Variants in HDAC9 observed in about 807,000 individuals in gnomAD.
HDAC9 encodes histone deacetylase 9.
A neutral mutation model predicts 139.4 loss-of-function variants in HDAC9; 41 were observed. The ratio of observed to expected loss-of-function variants is 0.29; its 90% CI spans 0.23 to 0.38. The LOEUF is 0.38. Ranked by LOEUF, HDAC9 falls within the 10% of genes least tolerant of loss-of-function variation. HDAC9 has a pLI of 1.00. For missense variants in HDAC9, 1,147 were observed against 1,297.0 expected (o/e 0.88, Z 1.78); for synonymous variants, 517 against 476.2 (o/e 1.09, Z -1.12).
intron 1 of HDAC9, among the ~76,000 whole-genome samples, chr7:18,432,118 A>C (rs1407661582): frequency 6.6e-6 from 1 of 152,120 alleles, no homozygotes; most frequent in Non-Finnish European, 1.5e-5. Context: ...AATCTCTATC[A>C]ATCAAATGTT....
chr7:18,117,046 A>C (rs1360393758), intron 1 of HDAC9, among the ~76,000 whole-genome samples: 1 of 152,192 alleles, frequency 6.6e-6, no homozygotes, highest in Admixed American at 6.5e-5. Context: ...GGATTGACCA[A>C]ACCAAACCGC....
At chr7:18,854,013 A>G (rs1296576840) in intron 21 of HDAC9, among the ~76,000 whole-genome samples, 1 of 152,228 alleles carries the variant, frequency 6.6e-6, no homozygotes, top group Non-Finnish European at 1.5e-5. Flanking sequence ...TGCTTGGAAC[A>G]TAGTGACATA....
chr7:18,125,749 C>T (rs1784625656), intron 1 of HDAC9, among the ~76,000 whole-genome samples: 1 of 152,090 alleles, frequency 6.6e-6, no homozygotes, highest in Non-Finnish European at 1.5e-5. Flanking sequence ...TGCACAATAG[C>T]TAAGCAAGTT....
At chr7:18,275,130 A>T (rs748067650) in intron 2 of HDAC9, among the ~76,000 whole-genome samples, 4 of 152,162 alleles carry the variant, frequency 2.6e-5, no homozygotes, top group Non-Finnish European at 5.9e-5. Context: ...TGTTTCCCAT[A>T]TCAATTAATG....
Position 18,110,522 on chromosome 7 carries a change from C to T in HDAC9, c.-97+23309C>T, listed in dbSNP as rs566748654. Among the ~76,000 whole-genome samples the T allele has an allele frequency of 2.6e-5, 4 of 152,230 alleles. No individual in the cohort carries two copies. In the East Asian group the frequency reaches 7.7e-4, roughly 29 times the overall value. On this transcript the variant is annotated intron_variant, in intron 1 of 12. Transcript: ENST00000417496. The stretch of plus-strand genomic sequence containing the variant: ...AAGGACAAGGAACTCCATGTAAGTG[C>T]AAATGGAGTGTAGACTCCACATGGG...
At chr7:18,305,583 C>T (rs1798852454) in intron 1 of HDAC9, among the ~76,000 whole-genome samples, 1 of 152,028 alleles carries the variant, frequency 6.6e-6, no homozygotes, top group Non-Finnish European at 1.5e-5. Context: ...CATGACTCCC[C>T]TTTTATCATC....
At chr7:18,203,102 G>C (rs1791259151) in intron 2 of HDAC9, among the ~76,000 whole-genome samples, 1 of 152,160 alleles carries the variant, frequency 6.6e-6, no homozygotes, top group East Asian at 1.9e-4. Context: ...GTGTTTTCAA[G>C]TGTTTCTCTC....
At chr7:18,970,011 G>A (rs185036848) in intron 24 of HDAC9, among the ~76,000 whole-genome samples, 1 of 152,214 alleles carries the variant, frequency 6.6e-6, no homozygotes, top group Admixed American at 6.5e-5. Context: ...AGCTTACCAG[G>A]TAGCACCATA....
chr7:18,300,402 A>G (rs1339627118), intron 1 of HDAC9, among the ~76,000 whole-genome samples: 1 of 152,122 alleles, frequency 6.6e-6, no homozygotes, highest in Non-Finnish European at 1.5e-5. Flanking sequence ...TATACATGTC[A>G]GGTTTTCTTT....
intron 1 of HDAC9, among the ~76,000 whole-genome samples, chr7:18,323,503 C>CT (rs992739293): frequency 6.6e-6 from 1 of 152,194 alleles, no homozygotes; most frequent in African/African-American, 2.4e-5. Flanking sequence ...GGCTTCTCAC[C>CT]TGGGGGCACA....
At chr7:18,860,200 C>T (rs1191166904) in intron 21 of HDAC9, among the ~76,000 whole-genome samples, 1 of 151,934 alleles carries the variant, frequency 6.6e-6, no homozygotes, top group Non-Finnish European at 1.5e-5. Flanking sequence ...GTGCACGTGT[C>T]ACCAGCATCT....
At chr7:18,564,676 C>T (rs1230346773) in intron 2 of HDAC9, among the ~76,000 whole-genome samples, 2 of 151,970 alleles carry the variant, frequency 1.3e-5, no homozygotes, top group Non-Finnish European at 2.9e-5. Flanking sequence ...GACATTGGGC[C>T]TCTATACCTA....
At chr7:18,808,922 C>G (rs1793950576) in intron 17 of HDAC9, among the ~76,000 whole-genome samples, 1 of 152,020 alleles carries the variant, frequency 6.6e-6, no homozygotes, top group South Asian at 2.1e-4. Context: ...AGACATCACA[C>G]TTCTTGATTT....
intron 9 of HDAC9, among the ~76,000 whole-genome samples, chr7:18,646,230 A>G (rs1787354016): frequency 1.3e-5 from 2 of 152,238 alleles, no homozygotes; most frequent in South Asian, 4.1e-4. Flanking sequence ...TTTTATTTTT[A>G]CTTATTTTTG....
At chr7:18,253,386 C>T (rs1253834735) in intron 2 of HDAC9, among the ~76,000 whole-genome samples, 1 of 151,976 alleles carries the variant, frequency 6.6e-6, no homozygotes, top group Non-Finnish European at 1.5e-5. Context: ...TTTAAGCATT[C>T]CTTTTTCTCC....
At chr7:18,394,443 T>C (rs1786837205) in intron 1 of HDAC9, among the ~76,000 whole-genome samples, 1 of 152,126 alleles carries the variant, frequency 6.6e-6, no homozygotes, top group African/African-American at 2.4e-5. Context: ...AGGAAACAAA[T>C]GTTACACTTC....
In HDAC9 at chr7:18,495,784, C is replaced by T. The variant is rs1034977688; in HGVS notation, c.-281C>T. 3 of 997,384 alleles carry T rather than the reference C, an allele frequency of 3.0e-6. No individual in the cohort carries two copies. Among genetic ancestry groups the T allele is most frequent in the South Asian group, 9.3e-5 (2 of 21,620 alleles). 61.8% of individuals were successfully genotyped at this position (997,384 alleles called of 1,614,324 possible). ...ACAGACACAGATAGGAGAAGGGCAC[C>T]GGCTGGAGCCACTTGCAGGACTGAG... On this transcript the variant is annotated 5_prime_UTR_variant, in exon 1 of 26. Coordinates refer to ENST00000686413, the MANE Select transcript of HDAC9 (RefSeq NM_178425.4).
At chr7:18,226,085 C>G (rs1371179374) in intron 2 of HDAC9, among the ~76,000 whole-genome samples, 1 of 152,118 alleles carries the variant, frequency 6.6e-6, no homozygotes, top group Non-Finnish European at 1.5e-5. Context: ...ATGTACTTAA[C>G]TGTAACATAT....
At chr7:18,304,866 A>G (rs940630276) in intron 1 of HDAC9, among the ~76,000 whole-genome samples, 1 of 152,140 alleles carries the variant, frequency 6.6e-6, no homozygotes, top group African/African-American at 2.4e-5. Flanking sequence ...ATGTATGAAA[A>G]TGATCCATGC....
Sources: gnomAD v4.1 joint callset for allele counts (sites outside exome capture counted in the v4.1 genomes callset) on GRCh38, gnomAD v4.1.1 for gene constraint, MANE v1.5 for transcripts, NCBI Gene and HGNC (gene_info 2026-07-23, HGNC 2026-07-21) for gene names.